RNF152: variants seen among roughly 807,000 people sequenced by gnomAD.
The protein encoded by RNF152 is E3 ubiquitin-protein ligase RNF152.
A neutral mutation model predicts 12.7 loss-of-function variants in RNF152; 11 were observed. That is an observed-to-expected ratio of 0.86 (90% CI 0.54 to 1.43). The LOEUF is 1.43. RNF152 is among the 40% of genes most tolerant of loss of function. RNF152 has a pLI of 0.00. For synonymous variants in RNF152, 113 were observed against 120.3 expected, an observed-to-expected ratio of 0.94 and a Z score of 0.40; for missense variants, 255 against 274.8, an observed-to-expected ratio of 0.93 and a Z score of 0.51.
At chr18:61,838,906 T>A (rs891280344) in intron 1 of RNF152, among the ~76,000 whole-genome samples, 1 of 152,076 alleles carries the variant, frequency 6.6e-6, no homozygotes, top group Admixed American at 6.6e-5. Context: ...ATCCTCCTTG[T>A]CCCTGGAGAA....
chr18:61,864,804 T>TCC (rs1396321376), intron 1 of RNF152, among the ~76,000 whole-genome samples: 2 of 152,224 alleles, frequency 1.3e-5, no homozygotes, highest in East Asian at 3.9e-4. Context: ...GGCAGGTGGA[T>TCC]CACCTGAGGT....
chr18:61,863,056 T>C (rs1466826399), intron 1 of RNF152, among the ~76,000 whole-genome samples: 2 of 152,190 alleles, frequency 1.3e-5, no homozygotes, highest in Non-Finnish European at 2.9e-5. Flanking sequence ...TAAAAAAATT[T>C]TGAAGACAGG....
chr18:61,844,102 G>GAAAGAAAGAAAGAA (rs1555702337), intron 1 of RNF152, among the ~76,000 whole-genome samples: 279 of 136,374 alleles, frequency 2.0e-3, no homozygotes, highest in Middle Eastern at 3.7e-3. Context: ...AAGAAAGAAA[G>GAAAGAAAGAAAGAA]AAAGAAAGAA....
chr18:61,852,274 C>T (rs919867978), intron 1 of RNF152, among the ~76,000 whole-genome samples: 1 of 152,194 alleles, frequency 6.6e-6, no homozygotes, highest in African/African-American at 2.4e-5. Context: ...GAGGAAAAGG[C>T]CTAGACATCT....
At chr18:61,847,772 C>T (rs1910800724) in intron 1 of RNF152, among the ~76,000 whole-genome samples, 1 of 152,114 alleles carries the variant, frequency 6.6e-6, no homozygotes, top group Admixed American at 6.5e-5. Flanking sequence ...ACCTGCTCTA[C>T]CCACAGTCTT....
At chr18:61,886,413 G>C (rs1568297205) in intron 1 of RNF152, among the ~76,000 whole-genome samples, 1 of 152,182 alleles carries the variant, frequency 6.6e-6, no homozygotes, top group Non-Finnish European at 1.5e-5. Flanking sequence ...AGAGAACTGA[G>C]ATCTCTTTGA....
chr18:61,884,516 T>G (rs1265338980), intron 1 of RNF152, among the ~76,000 whole-genome samples: 1 of 152,120 alleles, frequency 6.6e-6, no homozygotes, highest in Non-Finnish European at 1.5e-5. Context: ...AGGCAGGGAT[T>G]TTTTTAGAAT....
chr18:61,822,668 C>T (rs1488955815), intron 1 of RNF152, among the ~76,000 whole-genome samples: 2 of 152,154 alleles, frequency 1.3e-5, no homozygotes, highest in African/African-American at 4.8e-5. Flanking sequence ...TTCATACATT[C>T]TGTGACAGTG....
intron 1 of RNF152, among the ~76,000 whole-genome samples, chr18:61,879,472 C>T (rs376241048): frequency 9.6e-4 from 146 of 152,096 alleles, no homozygotes; most frequent in African/African-American, 3.4e-3. Context: ...TACTGAGTGA[C>T]GACTGTATAT....
At chr18:61,886,750 A>G (rs1438984577) in intron 1 of RNF152, among the ~76,000 whole-genome samples, 1 of 152,250 alleles carries the variant, frequency 6.6e-6, no homozygotes, top group Non-Finnish European at 1.5e-5. Flanking sequence ...AACAAGCTTG[A>G]GTGAATTTCT....
At chr18:61,882,526 C>A (rs557282520) in intron 1 of RNF152, among the ~76,000 whole-genome samples, 1 of 152,316 alleles carries the variant, frequency 6.6e-6, no homozygotes, top group African/African-American at 2.4e-5. Flanking sequence ...TGGCAACCAA[C>A]AAACTAATCA....
intron 1 of RNF152, among the ~76,000 whole-genome samples, chr18:61,856,130 C>T (rs555529433): frequency 1.2e-4 from 18 of 152,296 alleles, no homozygotes; most frequent in Admixed American, 1.1e-3. Flanking sequence ...CCAATTCTGA[C>T]TCTAAAAGCT....
chr18:61,822,409 C>A (rs1478003790), intron 1 of RNF152, among the ~76,000 whole-genome samples: 1 of 152,164 alleles, frequency 6.6e-6, no homozygotes, highest in Non-Finnish European at 1.5e-5. Context: ...TTTACAATAA[C>A]AATTTACTTT....
intron 1 of RNF152, among the ~76,000 whole-genome samples, chr18:61,856,762 A>G (rs1338926812): frequency 6.6e-6 from 1 of 152,160 alleles, no homozygotes; most frequent in Non-Finnish European, 1.5e-5. Context: ...AGCTGCTGAC[A>G]TCTCTGGGGA....
chr18:61,863,911 G>C (rs138864168), intron 1 of RNF152, among the ~76,000 whole-genome samples: 18 of 152,304 alleles, frequency 1.2e-4, no homozygotes, highest in Admixed American at 2.6e-4. Context: ...GAACTTGGGT[G>C]GTGAGCTCCC....
chr18:61,859,294 T>G (rs1450854655), intron 1 of RNF152, among the ~76,000 whole-genome samples: 13 of 152,178 alleles, frequency 8.5e-5, no homozygotes, highest in Admixed American at 8.5e-4. Flanking sequence ...TTGACTGAAG[T>G]GAAACAGGCA....
At chr18:61,829,653 A>T (rs1478822131) in intron 1 of RNF152, among the ~76,000 whole-genome samples, 3 of 149,864 alleles carry the variant, frequency 2.0e-5, no homozygotes, top group Non-Finnish European at 4.4e-5. Context: ...AGAGGGGAGG[A>T]CCAGGAGGTG....
chr18:61,843,958 T>C (rs1910569401), intron 1 of RNF152, among the ~76,000 whole-genome samples: 1 of 151,434 alleles, frequency 6.6e-6, no homozygotes, highest in African/African-American at 2.4e-5. Context: ...CTCAATTTTA[T>C]GTTATGTGTA....
At chr18:61,826,642 C>T (rs551311404) in intron 1 of RNF152, among the ~76,000 whole-genome samples, 16 of 152,272 alleles carry the variant, frequency 1.1e-4, no homozygotes, top group African/African-American at 3.1e-4. Flanking sequence ...ACTTTCCCTC[C>T]GCAACAGTTC....
Sources: gnomAD v4.1 joint callset for allele counts (sites outside exome capture counted in the v4.1 genomes callset) on GRCh38, gnomAD v4.1.1 for gene constraint, MANE v1.5 for transcripts, NCBI Gene and HGNC (gene_info 2026-07-23, HGNC 2026-07-21) for gene names.